LGR4: variants seen among roughly 807,000 people sequenced by gnomAD.
LGR4 encodes leucine rich repeat containing G protein-coupled receptor 4.
A neutral mutation model predicts 84.8 loss-of-function variants in LGR4; 44 were observed. That is an observed-to-expected ratio of 0.52 (90% CI 0.41 to 0.67). The LOEUF is 0.67. LGR4 is among the 30% of genes least tolerant of loss of function. The pLI is 0.00. For synonymous variants in LGR4, 429 were observed against 434.3 expected (o/e 0.99, Z 0.15); for missense variants, 1,032 against 1,131.4 (o/e 0.91, Z 1.26).
In LGR4 at chr11:27,376,400, GAAGACA is replaced by G. The variant is rs758357378; in HGVS notation, c.1110-36_1110-31del. The G allele has an allele frequency of 2.5e-6, 3 of 1,206,578 alleles. No homozygotes were observed. The African/African-American group carries it at 4.6e-5, about 19-fold the overall frequency. The allele number at this position is 1,206,578 out of a possible 1,614,324, so 74.7% of individuals were successfully genotyped here. A position where few individuals can be genotyped will look rare whatever the true frequency, so the allele number is the denominator to read the frequency against. The stretch of plus-strand genomic sequence containing the variant: ...ATAAAAAAAGAAGAAGAAAGAAGAC[GAAGACA>G]AAGACAAAGAAGAGAACAGGAGGAG... On this transcript the variant is annotated intron_variant, in intron 12 of 17. Coordinates refer to ENST00000379214, the MANE Select transcript of LGR4 (RefSeq NM_018490.5).
intron 6 of LGR4, among the ~76,000 whole-genome samples, chr11:27,384,104 G>C (rs1863145972): frequency 6.6e-6 from 1 of 152,150 alleles, no homozygotes; most frequent in African/African-American, 2.4e-5. Context: ...GAGCTGTTTT[G>C]AATGTGTATT....
chr11:27,376,439 G>T (rs1862983053), intron 12 of LGR4, 69 bp from the exon 13 acceptor site: 11 of 765,910 alleles, frequency 1.4e-5, no homozygotes, highest in Admixed American at 2.5e-5. Context: ...GAGGAGGAAA[G>T]AGAAAGGGAT....
At chr11:27,413,641 T>G (rs568035698) in intron 1 of LGR4, among the ~76,000 whole-genome samples, 20 of 152,302 alleles carry the variant, frequency 1.3e-4, no homozygotes, top group Non-Finnish European at 2.6e-4. Flanking sequence ...CAGCATGCGC[T>G]GGGGCAGTGG....
intron 5 of LGR4, among the ~76,000 whole-genome samples, 159 bp from the exon 6 acceptor site, chr11:27,384,566 G>A (rs1194322087): frequency 6.6e-6 from 1 of 152,108 alleles, no homozygotes; most frequent in Non-Finnish European, 1.5e-5. Flanking sequence ...GAAAACAAGT[G>A]ACATTGGATA....
chr11:27,372,415 T>A lies in LGR4; in HGVS notation c.1380-17A>T. ...GATAAAGACCTGGAAAAAAAAGTTG[T>A]AAAATCTACACTGAACAGCAACTCC... On this transcript the variant is annotated splice_polypyrimidine_tract_variant and intron_variant, in intron 15 of 17. Coordinates refer to ENST00000379214, the MANE Select transcript of LGR4 (RefSeq NM_018490.5). 1 of 1,426,870 alleles carries A rather than the reference T, an allele frequency of 7.0e-7. No homozygotes were observed. The highest frequency in any genetic ancestry group is 9.9e-7 in the Non-Finnish European group (1 of 1,010,184). 88.4% of individuals were successfully genotyped at this position (1,426,870 alleles called of 1,614,324 possible).
chr11:27,381,717 AT>A (rs1436420354), intron 7 of LGR4, among the ~76,000 whole-genome samples: 28 of 148,606 alleles, frequency 1.9e-4, no homozygotes, highest in African/African-American at 5.0e-4. Context: ...AAAAAAAAAA[AT>A]AAAAACAAAA....
chr11:27,396,041 T>C (rs1863386018), intron 2 of LGR4, among the ~76,000 whole-genome samples: 1 of 152,134 alleles, frequency 6.6e-6, no homozygotes. Flanking sequence ...ACACAAACAT[T>C]CTTTCATTTT....
chr11:27,411,436 T>C (rs1357492939), intron 2 of LGR4, among the ~76,000 whole-genome samples: 1 of 152,022 alleles, frequency 6.6e-6, no homozygotes, highest in Non-Finnish European at 1.5e-5. Flanking sequence ...CATATACTTC[T>C]ACCCAAGGAT....
chr11:27,370,345 T>G (rs1862857348), intron 17 of LGR4, among the ~76,000 whole-genome samples: 1 of 152,218 alleles, frequency 6.6e-6, no homozygotes, highest in Non-Finnish European at 1.5e-5. Context: ...ATCTCTGTTA[T>G]CTAAACTCAT....
intron 11 of LGR4, 122 bp downstream of exon 11, chr11:27,378,575 A>G (rs1863032979): frequency 1.4e-6 from 1 of 717,484 alleles, no homozygotes; most frequent in Non-Finnish European, 2.4e-6. Context: ...CTCCTTTACA[A>G]CAACTAAGAA....
In LGR4 at chr11:27,435,296, A is replaced by G. The variant is rs1296505156; in HGVS notation, c.186-22436T>C. 3.3e-5 allele frequency among the ~76,000 whole-genome samples: 5 copies of G among 151,756 alleles called. No homozygotes were observed. The East Asian group carries it at 9.8e-4, about 30-fold the overall frequency. ...TGCAGTGAGCTGAGATTACACCACT[A>G]TACTCCAGCCTGGGCAACAGAGTGA... On this transcript the variant is annotated intron_variant, in intron 1 of 17. Coordinates refer to ENST00000379214, the MANE Select transcript of LGR4 (RefSeq NM_018490.5).
chr11:27,467,402 C>T (rs1205065565), intron 1 of LGR4, among the ~76,000 whole-genome samples: 1 of 151,780 alleles, frequency 6.6e-6, no homozygotes, highest in Admixed American at 6.6e-5. Flanking sequence ...CCCGACTCTA[C>T]TAAAGATACA....
intron 1 of LGR4, among the ~76,000 whole-genome samples, chr11:27,439,177 A>G (rs1372649805): frequency 6.6e-6 from 1 of 152,110 alleles, no homozygotes; most frequent in Non-Finnish European, 1.5e-5. Context: ...AACTTTTTTC[A>G]TCTTGCAAAA....
chr11:27,382,119 C>T, intron 7 of LGR4, 69 bp downstream of exon 7: 1 of 990,106 alleles, frequency 1.0e-6, no homozygotes, highest in Admixed American at 1.9e-5. Flanking sequence ...TTCTAAAATC[C>T]CATTGTTGGA....
Position 27,392,524 on chromosome 11 carries a change from GA to G in LGR4, c.258-7del, listed in dbSNP as rs753491752. ...GGTCGTTGCCCGCCAATTGTCTAGAGAAAAAAAAAAAAAAAGTAGCAAGAAA... is the reference window on the plus strand; with the variant it reads ...GGTCGTTGCCCGCCAATTGTCTAGAGAAAAAAAAAAAAAAGTAGCAAGAAA... On this transcript the variant is annotated splice_region_variant and splice_polypyrimidine_tract_variant and intron_variant, in intron 2 of 17. Transcript: ENST00000379214. 0.098 allele frequency: 112,180 copies of G among 1,147,408 alleles called. 8 individuals are homozygous for G. Among genetic ancestry groups the G allele is most frequent in the East Asian group, 0.12 (3,799 of 31,152 alleles). The allele number at this position is 1,147,408 out of a possible 1,614,324, so 71.1% of individuals were successfully genotyped here.
chr11:27,448,969 A>C (rs893518421), intron 1 of LGR4, among the ~76,000 whole-genome samples: 3 of 152,232 alleles, frequency 2.0e-5, no homozygotes, highest in African/African-American at 7.2e-5. Context: ...ATAAATTTTT[A>C]CATCTTTTCT....
At chr11:27,448,113 GT>G (rs1864422673) in intron 1 of LGR4, among the ~76,000 whole-genome samples, 1 of 152,120 alleles carries the variant, frequency 6.6e-6, no homozygotes, top group African/African-American at 2.4e-5. Flanking sequence ...ATGAACAAAT[GT>G]GTGGTAAAAT....
At chr11:27,379,638 C>A (rs1863054236) in intron 10 of LGR4, among the ~76,000 whole-genome samples, 1 of 152,164 alleles carries the variant, frequency 6.6e-6, no homozygotes, top group Non-Finnish European at 1.5e-5. Flanking sequence ...CTGCCTCAGG[C>A]CCCAACTGAC....
chr11:27,419,580 T>TTA (rs34168190), intron 1 of LGR4, among the ~76,000 whole-genome samples: 95,331 of 146,774 alleles, frequency 0.65, 32,162 homozygotes, highest in African/African-American at 0.82. Flanking sequence ...ATATACATAA[T>TTA]TATATGTTTT....
Sources: gnomAD v4.1 joint callset for allele counts (sites outside exome capture counted in the v4.1 genomes callset) on GRCh38, gnomAD v4.1.1 for gene constraint, MANE v1.5 for transcripts, NCBI Gene and HGNC (gene_info 2026-07-23, HGNC 2026-07-21) for gene names.